Variants in ANAPC1 observed in about 807,000 individuals in gnomAD.
ANAPC1 encodes anaphase-promoting complex subunit 1.
ANAPC1 carries 36 observed loss-of-function variants against 208.0 expected under a neutral mutation model. That is an observed-to-expected ratio of 0.17 (90% CI 0.13 to 0.23). The LOEUF is 0.23. ANAPC1 is among the 10% of genes least tolerant of loss of function. The probability of loss-of-function intolerance (pLI) is 1.00; values close to 1 mark genes in which losing one functional copy is unlikely to be tolerated. For missense variants in ANAPC1, 942 were observed against 2,011.6 expected, an observed-to-expected ratio of 0.47 and a Z score of 10.17; for synonymous variants, 378 against 695.2, an observed-to-expected ratio of 0.54 and a Z score of 7.18.
In ANAPC1 at chr2:111,782,488, C is replaced by G. The variant is rs199539393; in HGVS notation, c.5083G>C (p.Gly1695Arg). The change falls in exon 43 of 48, where the codon GGG (glycine) becomes CGG (arginine). Residue 1695 changes from glycine to arginine, a missense_variant. Coordinates refer to ENST00000341068, the MANE Select transcript of ANAPC1 (RefSeq NM_022662.4). ...QHLKSILSKD[G>R]VLYVKLRAGQ... ...GCCCGGAGTTTAACATATAAAACCC[C>G]ATCCTTGGAAAGGATGGACCTGAAA... The G allele has an allele frequency of 2.9e-4, 474 of 1,613,698 alleles. No homozygotes were observed. Among genetic ancestry groups the G allele is most frequent in the Non-Finnish European group, 3.9e-4 (455 of 1,179,710 alleles).
chr2:111,833,112 T>A, intron 20 of ANAPC1, 108 bp downstream of exon 20: 1 of 1,398,356 alleles, frequency 7.2e-7, no homozygotes, highest in East Asian at 2.5e-5. Flanking sequence ...GCACTGCCCC[T>A]GACTTAGAAG....
chr2:111,815,081 C>T (rs1231643656), intron 28 of ANAPC1, among the ~76,000 whole-genome samples: 5 of 143,834 alleles, frequency 3.5e-5, no homozygotes, highest in Non-Finnish European at 6.1e-5. Flanking sequence ...AACCCACCTT[C>T]GGGTCCCCTC....
At chr2:111,795,289 G>C (rs75524177) in intron 34 of ANAPC1, among the ~76,000 whole-genome samples, 8,067 of 146,536 alleles carry the variant, frequency 0.055, no homozygotes, top group African/African-American at 0.13. Flanking sequence ...GGCTGAGGCA[G>C]TAGAATCACT....
intron 29 of ANAPC1, among the ~76,000 whole-genome samples, chr2:111,808,549 G>A (rs1220890725): frequency 6.6e-6 from 1 of 151,928 alleles, no homozygotes; most frequent in Non-Finnish European, 1.5e-5. Flanking sequence ...ATCCAACACA[G>A]TAAACACTGT....
chr2:111,800,420 TAGG>T lies in ANAPC1; in HGVS notation c.4296+374_4296+376del, dbSNP rs768183541. Among the ~76,000 whole-genome samples the T allele has an allele frequency of 3.0e-5, 4 of 135,478 alleles. No homozygotes were observed. In the East Asian group the frequency reaches 8.2e-4, roughly 28 times the overall value. The allele number at this position is 135,478 out of a possible 152,430, so 88.9% of individuals were successfully genotyped here. On this transcript the variant is annotated intron_variant, in intron 34 of 47. Transcript: ENST00000341068. The stretch of plus-strand genomic sequence containing the variant: ...ATGATATAAAGTAATTAAAAGTTAT[TAGG>T]AGATCTAAAATTGTCACGAAGTAAA...
At chr2:111,848,632 CCA>C (rs1681222247) in intron 14 of ANAPC1, among the ~76,000 whole-genome samples, 1 of 151,808 alleles carries the variant, frequency 6.6e-6, no homozygotes, top group Non-Finnish European at 1.5e-5. Flanking sequence ...CAAAAATTAG[CCA>C]GGTGTGGTGG....
At chr2:111,829,696 TAATAAA>T (rs1454579659) in intron 21 of ANAPC1, among the ~76,000 whole-genome samples, 1 of 148,838 alleles carries the variant, frequency 6.7e-6, no homozygotes, top group Admixed American at 6.6e-5. Context: ...AAACAAAAAA[TAATAAA>T]AATAAATAAA....
At chr2:111,791,584 G>C (rs1330569103) in intron 38 of ANAPC1, among the ~76,000 whole-genome samples, 2 of 152,058 alleles carry the variant, frequency 1.3e-5, no homozygotes, top group Non-Finnish European at 2.9e-5. Context: ...ACTGAAACTT[G>C]AATAATCCAT....
intron 1 of ANAPC1, 82 bp from the exon 2 acceptor site, chr2:111,880,931 C>T: frequency 1.6e-6 from 2 of 1,255,316 alleles, no homozygotes; most frequent in Non-Finnish European, 2.2e-6. Flanking sequence ...AGTCATTAAT[C>T]CTTACATGGG....
chr2:111,843,105 C>T (rs1363708286), intron 17 of ANAPC1, among the ~76,000 whole-genome samples: 2 of 152,144 alleles, frequency 1.3e-5, no homozygotes, highest in African/African-American at 4.8e-5. Context: ...GATCCAGTTT[C>T]TTCATCAATA....
intron 18 of ANAPC1, among the ~76,000 whole-genome samples, chr2:111,836,648 TAAAAAAAAAA>T: frequency 7.0e-6 from 1 of 142,152 alleles, no homozygotes; most frequent in East Asian, 2.1e-4. Context: ...CCCTGTCTCT[TAAAAAAAAAA>T]AGAAAAGAAA....
intron 34 of ANAPC1, among the ~76,000 whole-genome samples, chr2:111,795,255 G>A (rs1170051765): frequency 2.0e-5 from 3 of 152,192 alleles, no homozygotes; most frequent in African/African-American, 7.2e-5. Context: ...GGTGGCGCAC[G>A]CCTGTAATCC....
intron 14 of ANAPC1, among the ~76,000 whole-genome samples, chr2:111,849,909 C>T (rs563212318): frequency 6.6e-6 from 1 of 151,578 alleles, no homozygotes; most frequent in East Asian, 1.9e-4. Flanking sequence ...CAGAATAAAA[C>T]CACCTTTTTA....
At chr2:111,882,886 G>T (rs1440864228) in intron 1 of ANAPC1, among the ~76,000 whole-genome samples, 1 of 152,014 alleles carries the variant, frequency 6.6e-6, no homozygotes, top group Admixed American at 6.6e-5. Flanking sequence ...ACTTACAAGG[G>T]GCAGGGCGTG....
intron 18 of ANAPC1, among the ~76,000 whole-genome samples, chr2:111,836,258 G>C (rs556318745): frequency 6.6e-6 from 1 of 151,134 alleles, no homozygotes; most frequent in East Asian, 2.0e-4. Flanking sequence ...ACCCCTCAAA[G>C]TGCTGTGATT....
At chr2:111,801,685 T>C (rs998038645) in intron 33 of ANAPC1, among the ~76,000 whole-genome samples, 2 of 151,656 alleles carry the variant, frequency 1.3e-5, no homozygotes, top group African/African-American at 4.8e-5. Context: ...TTAAAAATCC[T>C]AAGTTGGGAA....
intron 42 of ANAPC1, 92 bp from the exon 43 acceptor site, chr2:111,782,599 A>G (rs1337353438): frequency 1.3e-5 from 19 of 1,477,132 alleles, no homozygotes; most frequent in Non-Finnish European, 1.6e-5. Context: ...ACAGGAGATG[A>G]AGCTTTTACC....
Position 111,863,671 on chromosome 2 carries a change from A to C in ANAPC1, c.1052+4T>G, listed in dbSNP as rs140854934. 16 of 1,612,492 alleles carry C rather than the reference A, an allele frequency of 9.9e-6. No homozygotes were observed. The highest frequency in any genetic ancestry group is 1.7e-5 in the Admixed American group (1 of 59,992). On this transcript the variant is annotated splice_donor_region_variant and intron_variant, in intron 9 of 47. Coordinates refer to ENST00000341068, the MANE Select transcript of ANAPC1 (RefSeq NM_022662.4). Reference sequence around the variant, plus strand: ...TAGAAAGAAAAACCAGGAAACCCTTATACCTTAGAGCTGCCATGTTGGAAA... The same window carrying C: ...TAGAAAGAAAAACCAGGAAACCCTTCTACCTTAGAGCTGCCATGTTGGAAA...
chr2:111,856,772 A>G (rs1287235101), intron 12 of ANAPC1, 24 bp downstream of exon 12: 19 of 1,613,588 alleles, frequency 1.2e-5, no homozygotes, highest in Admixed American at 3.3e-5. Flanking sequence ...GTAATTGTCA[A>G]CTTCTCAAAT....
Sources: gnomAD v4.1 joint callset for allele counts (sites outside exome capture counted in the v4.1 genomes callset) on GRCh38, gnomAD v4.1.1 for gene constraint, MANE v1.5 for transcripts, NCBI Gene and HGNC (gene_info 2026-07-23, HGNC 2026-07-21) for gene names.